The following SNX14 variants were observed in gnomAD, a reference collection of about 807,000 sequenced individuals.
The protein encoded by SNX14 is sorting nexin-14.
SNX14 carries 93 observed loss-of-function variants against 133.8 expected under a neutral mutation model. The ratio of observed to expected loss-of-function variants is 0.70; its 90% CI spans 0.59 to 0.83. The LOEUF is 0.83. Ranked by LOEUF, SNX14 falls within the 40% of genes least tolerant of loss-of-function variation. SNX14 has a pLI of 0.00. For synonymous variants in SNX14, 368 were observed against 365.6 expected, an observed-to-expected ratio of 1.01 and a Z score of -0.07; for missense variants, 945 against 1,094.9, an observed-to-expected ratio of 0.86 and a Z score of 1.93.
chr6:85,536,900 T>C lies in SNX14; in HGVS notation c.1500A>G (p.Ser500=). 2 of 1,613,204 alleles carry C rather than the reference T, an allele frequency of 1.2e-6. No individual in the cohort carries two copies. The highest frequency in any genetic ancestry group is 2.2e-5 in the South Asian group (2 of 91,012). Residue 500 remains serine (S), a synonymous_variant, in exon 17 of 29, where the codon TCA becomes TCG. Transcript: ENST00000314673. ...DFRNTQKRGE[S]FGISRIGSKI... is the part of the protein sequence containing the mutation. ...TGCTACCTATTCTGCTGATTCCAAA[T>C]GATTCTCCCCTTTTCTGTGTGTTCC...
intron 6 of SNX14, among the ~76,000 whole-genome samples, chr6:85,559,435 A>G (rs557746123): frequency 6.6e-6 from 1 of 152,352 alleles, no homozygotes; most frequent in Non-Finnish European, 1.5e-5. Context: ...TCAGAATTAA[A>G]ATGGTAAAAT....
At chr6:85,548,518 C>A (rs1482156327) in intron 8 of SNX14, 142 bp from the exon 9 acceptor site, 1 of 590,152 alleles carries the variant, frequency 1.7e-6, no homozygotes. Context: ...TAAAAGTCTG[C>A]ATTTCTAACA....
intron 17 of SNX14, among the ~76,000 whole-genome samples, chr6:85,535,772 G>A (rs1323954933): frequency 1.3e-5 from 2 of 152,020 alleles, no homozygotes; most frequent in African/African-American, 4.8e-5. Flanking sequence ...TGGGACAAAG[G>A]TCAAAAGGAA....
intron 16 of SNX14, among the ~76,000 whole-genome samples, chr6:85,537,871 C>T (rs941856851): frequency 6.6e-6 from 1 of 152,234 alleles, no homozygotes; most frequent in African/African-American, 2.4e-5. Context: ...ATCACTTGGA[C>T]CCGCAAGATT....
rs568963894 is a variant in SNX14 at position 85,580,428 on chromosome 6, A to G, written c.141-6050T>C. Among the ~76,000 whole-genome samples the G allele has an allele frequency of 5.3e-5, 8 of 152,270 alleles. No homozygotes were observed. The South Asian group carries it at 1.4e-3, about 28-fold the overall frequency. On this transcript the variant is annotated intron_variant, in intron 1 of 28. Transcript: ENST00000314673. ...CACATTCACTGCTCTGATGGCTACA[A>G]AGAGAGACTTCTTCTGCTTCAAAAA...
chr6:85,542,189 G>A, intron 14 of SNX14, 146 bp from the exon 15 acceptor site: 1 of 530,350 alleles, frequency 1.9e-6, no homozygotes, highest in Non-Finnish European at 3.2e-6. Flanking sequence ...CTAGGGTAAG[G>A]ATGAAAATAT....
intron 7 of SNX14, among the ~76,000 whole-genome samples, chr6:85,556,626 G>A (rs1449001361): frequency 6.6e-6 from 1 of 151,746 alleles, no homozygotes; most frequent in Non-Finnish European, 1.5e-5. Flanking sequence ...GCTAATTTTT[G>A]TATTTTTAGT....
intron 6 of SNX14, among the ~76,000 whole-genome samples, chr6:85,562,093 T>C (rs924559318): frequency 6.6e-6 from 1 of 152,232 alleles, no homozygotes; most frequent in African/African-American, 2.4e-5. Context: ...AATGAGAACA[T>C]GCAATATTTG....
chr6:85,519,021 G>T (rs1241598418), intron 21 of SNX14, among the ~76,000 whole-genome samples: 1 of 152,120 alleles, frequency 6.6e-6, no homozygotes, highest in Admixed American at 6.5e-5. Context: ...TGCTCTTAAT[G>T]TATCCCCTAT....
At chr6:85,584,001 C>G (rs1799863333) in intron 1 of SNX14, among the ~76,000 whole-genome samples, 1 of 152,166 alleles carries the variant, frequency 6.6e-6, no homozygotes, top group South Asian at 2.1e-4. Flanking sequence ...TCAAACTATA[C>G]TACAAGGCTA....
Position 85,526,109 on chromosome 6 carries a change from T to G in SNX14, c.2107+17A>C. ...TTTCAGCTTATTATCTTATAATGAT[T>G]CTTTAAATTGACTTACCAAGATTTA... On this transcript the variant is annotated intron_variant, in intron 21 of 28. Transcript: ENST00000314673. The G allele has an allele frequency of 7.0e-7, 1 of 1,438,752 alleles. No individual in the cohort carries two copies. Among genetic ancestry groups the G allele is most frequent in the South Asian group, 1.3e-5 (1 of 79,662 alleles). 89.1% of individuals were successfully genotyped at this position (1,438,752 alleles called of 1,614,324 possible). A position where few individuals can be genotyped will look rare whatever the true frequency, so the allele number is the denominator to read the frequency against.
In SNX14 at chr6:85,535,489, G is replaced by A. The variant is rs546451507; in HGVS notation, c.1608+1303C>T. Among the ~76,000 whole-genome samples the A allele has an allele frequency of 7.2e-4, 109 of 151,522 alleles. 1 individual carries two copies. The highest frequency in any genetic ancestry group is 2.2e-3 in the African/African-American group (89 of 41,320). ...AAATTAGCTGGGCATGGTGGCGGGC[G>A]CCTGCAACCCCAGCTACTCAGGAGG... is the stretch of plus-strand genomic sequence containing the variant. On this transcript the variant is annotated intron_variant, in intron 17 of 28. Transcript: ENST00000314673.
At chr6:85,570,899 C>G (rs753712372) in intron 4 of SNX14, among the ~76,000 whole-genome samples, 5 of 151,966 alleles carry the variant, frequency 3.3e-5, no homozygotes, top group East Asian at 1.9e-4. Flanking sequence ...TCTTTTCTTA[C>G]TAAGTCTTCT....
chr6:85,542,629 T>C (rs185537040), intron 14 of SNX14, among the ~76,000 whole-genome samples: 1 of 152,182 alleles, frequency 6.6e-6, no homozygotes, highest in African/African-American at 2.4e-5. Context: ...CTCCTGACCT[T>C]GTGATCCGCC....
chr6:85,581,741 A>C (rs1029994856), intron 1 of SNX14: 1 of 152,234 alleles, frequency 6.6e-6, no homozygotes, highest in Non-Finnish European at 1.5e-5. Context: ...TAATAGTAGA[A>C]GTGATCAAGT....
At chr6:85,547,703 G>A (rs1387041239) in intron 9 of SNX14, among the ~76,000 whole-genome samples, 153 bp from the exon 10 acceptor site, 1 of 152,152 alleles carries the variant, frequency 6.6e-6, no homozygotes, top group Non-Finnish European at 1.5e-5. Context: ...ATTACAGCAG[G>A]AGTTTTTTTA....
At chr6:85,559,038 T>C (rs772524323) in intron 6 of SNX14, among the ~76,000 whole-genome samples, 3 of 152,154 alleles carry the variant, frequency 2.0e-5, no homozygotes, top group Non-Finnish European at 2.9e-5. Flanking sequence ...ATATATTATA[T>C]ATTTCCTTTA....
intron 26 of SNX14, chr6:85,508,478 T>C (rs1356953108): frequency 4.6e-5 from 34 of 745,500 alleles, no homozygotes; most frequent in Admixed American, 1.9e-4. Context: ...TAACACCCAA[T>C]GTAGGATAAG....
At chr6:85,526,344 T>G in intron 20 of SNX14, 107 bp from the exon 21 acceptor site, 2 of 699,282 alleles carry the variant, frequency 2.9e-6, no homozygotes, top group Non-Finnish European at 2.4e-6. Context: ...CTACTTTATA[T>G]TTAAAATAAT....
Sources: gnomAD v4.1 joint callset for allele counts (sites outside exome capture counted in the v4.1 genomes callset) on GRCh38, gnomAD v4.1.1 for gene constraint, MANE v1.5 for transcripts, NCBI Gene and HGNC (gene_info 2026-07-23, HGNC 2026-07-21) for gene names.